NRP2: variants seen among roughly 807,000 people sequenced by gnomAD.
The protein encoded by NRP2 is neuropilin 2.
NRP2 carries 52 observed loss-of-function variants against 110.4 expected under a neutral mutation model. The ratio of observed to expected loss-of-function variants is 0.47; its 90% CI spans 0.38 to 0.59. The LOEUF is 0.59. NRP2 is among the 20% of genes least tolerant of loss of function. NRP2 has a pLI of 0.00. For synonymous variants in NRP2, 508 were observed against 468.9 expected (o/e 1.08, Z -1.08); for missense variants, 1,049 against 1,203.0 (o/e 0.87, Z 1.89).
intron 15 of NRP2, among the ~76,000 whole-genome samples, chr2:205,771,876 G>A (rs1412921602): frequency 6.6e-6 from 1 of 152,224 alleles, no homozygotes; most frequent in Non-Finnish European, 1.5e-5. Context: ...TAAGCAATAT[G>A]TAAACAAATG....
intron 3 of NRP2, among the ~76,000 whole-genome samples, chr2:205,717,120 G>A (rs922942498): frequency 7.1e-6 from 1 of 141,384 alleles, no homozygotes; most frequent in East Asian, 1.9e-4. Context: ...ACAAGACCCC[G>A]CTTCATCAGC....
At chr2:205,694,460 C>T (rs967098084) in intron 1 of NRP2, among the ~76,000 whole-genome samples, 5 of 152,194 alleles carry the variant, frequency 3.3e-5, no homozygotes, top group South Asian at 2.1e-4. Context: ...TATCTCTCTT[C>T]GGGTGATGAA....
intron 2 of NRP2, chr2:205,700,634 G>A: frequency 4.0e-6 from 2 of 499,712 alleles, no homozygotes; most frequent in South Asian, 2.9e-5. Flanking sequence ...CCCAAAGGTT[G>A]AGACGGTTGC....
chr2:205,739,712 G>A (rs1184290754), intron 7 of NRP2, among the ~76,000 whole-genome samples: 1 of 138,666 alleles, frequency 7.2e-6, no homozygotes, highest in Non-Finnish European at 1.5e-5. Context: ...TGAGCAGAGA[G>A]CACAAAAAAG....
chr2:205,786,620 C>T (rs2058238892), intron 15 of NRP2, among the ~76,000 whole-genome samples: 1 of 152,144 alleles, frequency 6.6e-6, no homozygotes, highest in Non-Finnish European at 1.5e-5. Context: ...TCAGTGGTTT[C>T]CTGTGTGTAA....
intron 9 of NRP2, among the ~76,000 whole-genome samples, chr2:205,743,901 A>G (rs1297589218): frequency 6.6e-6 from 1 of 151,910 alleles, no homozygotes; most frequent in Non-Finnish European, 1.5e-5. Flanking sequence ...CCGCCACCAC[A>G]CCTAGCTAAT....
rs147125791 is a variant in NRP2, at chr2:205,758,088, A to G, written c.2044+5113A>G. Among the ~76,000 whole-genome samples, 1,042 of 152,284 alleles carry G rather than the reference A, an allele frequency of 6.8e-3. 5 individuals carry two copies. Among genetic ancestry groups the G allele is most frequent in the Middle Eastern group, 0.014 (4 of 294 alleles). On this transcript the variant is annotated intron_variant, in intron 12 of 16. Transcript: ENST00000357785. Reference sequence around the variant, plus strand: ...AACCTTCATGTCCACAAAATGGTCTATTGTAAACCTTGAGAACATCTTGCT... The same window carrying G: ...AACCTTCATGTCCACAAAATGGTCTGTTGTAAACCTTGAGAACATCTTGCT...
chr2:205,722,789 A>C, intron 4 of NRP2, 81 bp downstream of exon 4: 3 of 1,141,706 alleles, frequency 2.6e-6, no homozygotes, highest in Non-Finnish European at 3.9e-6. Flanking sequence ...AGGAAGAACA[A>C]AGACTTCAAA....
intron 1 of NRP2, 85 bp downstream of exon 1, chr2:205,683,448 G>A: frequency 3.2e-6 from 3 of 949,954 alleles, no homozygotes; most frequent in African/African-American, 1.6e-5. Flanking sequence ...CACGCAGAAC[G>A]GCACAGAAGA....
intron 9 of NRP2, 104 bp downstream of exon 9, chr2:205,743,656 C>A: frequency 6.6e-7 from 1 of 1,508,968 alleles, no homozygotes. Context: ...AGTCGTCATC[C>A]AACTCCTGAA....
chr2:205,721,643 T>C (rs902230405), intron 3 of NRP2, among the ~76,000 whole-genome samples: 1 of 152,220 alleles, frequency 6.6e-6, no homozygotes, highest in African/African-American at 2.4e-5. Flanking sequence ...GATGCGAATG[T>C]GTGCCGCATT....
chr2:205,725,873 T>C lies in NRP2; in HGVS notation c.821-40T>C. ...ATTTGGGGGATCCCGAGGTATGAGGTTGGAAGGCCTAACTGCATTTGACCG... is the reference window on the plus strand; with the variant it reads ...ATTTGGGGGATCCCGAGGTATGAGGCTGGAAGGCCTAACTGCATTTGACCG... On this transcript the variant is annotated intron_variant, in intron 5 of 16. Transcript: ENST00000357785. The surrounding 1 kb of genome is among the most constrained non-coding windows in gnomAD (Gnocchi z 4.1). 6.2e-7 allele frequency: 1 copy of C among 1,611,462 alleles called. No individual in the cohort carries two copies. The highest frequency in any genetic ancestry group is 1.1e-5 in the South Asian group (1 of 90,978).
intron 15 of NRP2, among the ~76,000 whole-genome samples, chr2:205,781,442 C>A (rs1266582335): frequency 6.6e-6 from 1 of 152,236 alleles, no homozygotes; most frequent in Non-Finnish European, 1.5e-5. Flanking sequence ...CTCTCTTCAC[C>A]CACTGCCCCC....
intron 8 of NRP2, 92 bp from the exon 9 acceptor site, chr2:205,743,111 T>C: frequency 1.9e-6 from 3 of 1,598,352 alleles, no homozygotes; most frequent in Non-Finnish European, 2.5e-6. Flanking sequence ...ATTTGACAGT[T>C]GGGCTCTTTT....
Position 205,731,482 on chromosome 2 carries a change from C to T in NRP2, c.1146+3436C>T, listed in dbSNP as rs866277010. ...TCCTGCCCTCCTGAGATGCTGATTC[C>T]ATGATTCTGCACTGGGGATAGGCTG... On this transcript the variant is annotated intron_variant, in intron 7 of 16. Transcript: ENST00000357785. Among the ~76,000 whole-genome samples, 28 of 152,294 alleles carry T rather than the reference C, an allele frequency of 1.8e-4. 1 individual carries two copies. In the Middle Eastern group the frequency reaches 0.01, roughly 56 times the overall value.
At chr2:205,766,126 G>A (rs2057913577) in intron 14 of NRP2, among the ~76,000 whole-genome samples, 1 of 152,218 alleles carries the variant, frequency 6.6e-6, no homozygotes, top group African/African-American at 2.4e-5. Context: ...ATTAAACATT[G>A]CAGGCCAGGT....
At position 205,697,534 on chromosome 2, in the gene NRP2, T is replaced by A; in HGVS notation, c.74-10T>A. ...TTTGAAGTTCTTTGGGTCGTTGATT[T>A]CTCTTTCAGACCCACCGTGCGGAGG... On this transcript the variant is annotated splice_polypyrimidine_tract_variant and intron_variant, in intron 1 of 16. Transcript: ENST00000357785. The A allele has an allele frequency of 3.1e-6, 5 of 1,613,260 alleles. No homozygotes were observed. The highest frequency in any genetic ancestry group is 4.2e-6 in the Non-Finnish European group (5 of 1,179,402).
intron 3 of NRP2, among the ~76,000 whole-genome samples, chr2:205,718,819 G>A (rs1008884874): frequency 7.2e-5 from 11 of 152,028 alleles, no homozygotes; most frequent in Non-Finnish European, 1.5e-4. Context: ...GCACGTGCCT[G>A]TAATCCCAGC....
At chr2:205,692,657 G>A (rs1022027865) in intron 1 of NRP2, among the ~76,000 whole-genome samples, 2 of 152,220 alleles carry the variant, frequency 1.3e-5, no homozygotes, top group Non-Finnish European at 2.9e-5. Flanking sequence ...GATTAAAGGA[G>A]ACATTTGAAC....
Sources: allele counts gnomAD v4.1 joint callset (sites outside exome capture counted in the v4.1 genomes callset), GRCh38; gene constraint gnomAD v4.1.1; non-coding constraint Gnocchi (gnomAD v3.1); transcripts MANE v1.5; gene names NCBI Gene and HGNC (gene_info 2026-07-23, HGNC 2026-07-21).